The following BANP variants were observed in gnomAD, a reference collection of about 807,000 sequenced individuals.
BANP encodes the protein protein BANP.
BANP carries 11 observed loss-of-function variants against 68.1 expected under a neutral mutation model. That is an observed-to-expected ratio of 0.16 (90% CI 0.10 to 0.27). BANP has a LOEUF of 0.27. Ranked by LOEUF, BANP falls within the 10% of genes least tolerant of loss-of-function variation. The probability of loss-of-function intolerance (pLI) is 1.00; values close to 1 mark genes in which losing one functional copy is unlikely to be tolerated. For synonymous variants in BANP, 329 were observed against 303.2 expected (o/e 1.09, Z -0.88); for missense variants, 504 against 722.7 (o/e 0.70, Z 3.47).
At chr16:88,011,597 A>G (rs925434987) in intron 6 of BANP, among the ~76,000 whole-genome samples, 43 of 152,250 alleles carry the variant, frequency 2.8e-4, no homozygotes, top group African/African-American at 7.2e-5. Context: ...GCATTCTGAA[A>G]GAAAATGGTA....
chr16:88,065,407 A>AT, intron 12 of BANP, 75 bp downstream of exon 12: 1 of 680,900 alleles, frequency 1.5e-6, no homozygotes, highest in Admixed American at 2.1e-5. Context: ...GACCCCCGCG[A>AT]TGACACTGGG....
At chr16:87,959,276 T>C (rs1183134771) in intron 1 of BANP, among the ~76,000 whole-genome samples, 1 of 152,246 alleles carries the variant, frequency 6.6e-6, no homozygotes, top group South Asian at 2.1e-4. Context: ...TCATGAAATA[T>C]TGTTCTTTTG....
At chr16:88,031,648 CAAAAA>C (rs1230300944) in intron 8 of BANP, among the ~76,000 whole-genome samples, 1 of 109,466 alleles carries the variant, frequency 9.1e-6, no homozygotes, top group African/African-American at 3.1e-5. Flanking sequence ...GACTCTCTCT[CAAAAA>C]AAAAAAAAAA....
chr16:88,009,846 G>A (rs189855767), intron 6 of BANP, among the ~76,000 whole-genome samples: 4 of 147,118 alleles, frequency 2.7e-5, no homozygotes, highest in African/African-American at 1.1e-4. Flanking sequence ...AGTAGCTCCT[G>A]ACTGTTGAAA....
intron 3 of BANP, among the ~76,000 whole-genome samples, chr16:87,982,928 AT>A (rs2146130136): frequency 6.6e-6 from 1 of 152,334 alleles, no homozygotes; most frequent in South Asian, 2.1e-4. Flanking sequence ...AGCTGCAGTT[AT>A]TGGGAAAGCC....
At chr16:87,985,798 A>G (rs11117344) in intron 4 of BANP, among the ~76,000 whole-genome samples, 98,698 of 152,068 alleles carry the variant, frequency 0.65, 32,597 homozygotes, top group African/African-American at 0.74. Context: ...AGCTGGTGAT[A>G]GAATATTACA....
At chr16:87,995,367 G>C (rs1487733844) in intron 4 of BANP, among the ~76,000 whole-genome samples, 2 of 152,124 alleles carry the variant, frequency 1.3e-5, no homozygotes, top group African/African-American at 2.4e-5. Context: ...ATTTGGCCCC[G>C]GTCCTTGTGT....
intron 11 of BANP, among the ~76,000 whole-genome samples, chr16:88,040,365 A>G (rs2080454340): frequency 6.6e-6 from 1 of 151,284 alleles, no homozygotes; most frequent in Non-Finnish European, 1.5e-5. Context: ...AGACAGAAGG[A>G]TGTTTCAGAA....
intron 6 of BANP, among the ~76,000 whole-genome samples, chr16:88,010,848 G>A (rs571760566): frequency 1.3e-5 from 2 of 151,500 alleles, no homozygotes; most frequent in African/African-American, 2.4e-5. Context: ...GTGTAGCCAC[G>A]CTATGCTGTG....
At chr16:87,990,718 T>G (rs1388659237) in intron 4 of BANP, among the ~76,000 whole-genome samples, 1 of 152,216 alleles carries the variant, frequency 6.6e-6, no homozygotes, top group Non-Finnish European at 1.5e-5. Flanking sequence ...TGATTTCTCT[T>G]CCTGACTGGT....
At chr16:88,019,213 G>C (rs1205743833) in intron 7 of BANP, among the ~76,000 whole-genome samples, 1 of 152,186 alleles carries the variant, frequency 6.6e-6, no homozygotes, top group East Asian at 1.9e-4. Context: ...CTGAAGAGCG[G>C]GATTTGCTCC....
At chr16:88,058,192 G>A (rs191360771) in intron 11 of BANP, among the ~76,000 whole-genome samples, 8 of 152,196 alleles carry the variant, frequency 5.3e-5, no homozygotes, top group African/African-American at 9.7e-5. Context: ...GTGTTGAGGT[G>A]CCTGAAAGAG....
chr16:87,991,512 T>C (rs1291382608), intron 4 of BANP, among the ~76,000 whole-genome samples: 3 of 152,250 alleles, frequency 2.0e-5, no homozygotes, highest in African/African-American at 7.2e-5. Flanking sequence ...CAGTATTGAG[T>C]ATTCTGATTC....
chr16:88,028,415 C>T (rs1348401717), intron 8 of BANP, among the ~76,000 whole-genome samples: 4 of 152,158 alleles, frequency 2.6e-5, no homozygotes. Flanking sequence ...GGAGTTCTCC[C>T]GGGGCCTGGT....
intron 4 of BANP, among the ~76,000 whole-genome samples, chr16:87,996,765 C>T (rs1313781846): frequency 2.0e-5 from 3 of 152,250 alleles, no homozygotes; most frequent in Non-Finnish European, 2.9e-5. Flanking sequence ...TGCACTGAAC[C>T]ATTGCATAGG....
At chr16:87,953,814 C>T (rs1212583010) in intron 1 of BANP, among the ~76,000 whole-genome samples, 5 of 152,174 alleles carry the variant, frequency 3.3e-5, no homozygotes, top group Admixed American at 6.5e-5. Flanking sequence ...AGCTTGCACA[C>T]GAGCCAGCCT....
At chr16:88,053,812 T>A (rs1444757641) in intron 11 of BANP, among the ~76,000 whole-genome samples, 1 of 97,476 alleles carries the variant, frequency 1.0e-5, no homozygotes, top group Non-Finnish European at 2.1e-5. Flanking sequence ...CTCTACTATC[T>A]CCATCATCAC....
At chr16:88,070,070 C>T in intron 12 of BANP, among the ~76,000 whole-genome samples, 1 of 152,184 alleles carries the variant, frequency 6.6e-6, no homozygotes, top group Middle Eastern at 3.2e-3. Flanking sequence ...GCCATATTTC[C>T]TCTCGCCTGT....
At chr16:87,965,599 C>G (rs924198680) in intron 1 of BANP, among the ~76,000 whole-genome samples, 2 of 120,206 alleles carry the variant, frequency 1.7e-5, no homozygotes, top group African/African-American at 6.7e-5. Flanking sequence ...GGGGAGCGTT[C>G]GCATGGCTGG....
Sources: allele counts gnomAD v4.1 joint callset (sites outside exome capture counted in the v4.1 genomes callset), GRCh38; gene constraint gnomAD v4.1.1; transcripts MANE v1.5; gene names NCBI Gene and HGNC (gene_info 2026-07-23, HGNC 2026-07-21).